TPO: variants seen among roughly 807,000 people sequenced by gnomAD.
The protein encoded by TPO is thyroid microsomal antigen.
Under a neutral mutation model 96.9 loss-of-function variants are expected in TPO, and 78 were observed. That is an observed-to-expected ratio of 0.81 (90% CI 0.67 to 0.97). The LOEUF (loss-of-function observed/expected upper bound fraction) is 0.97. Ranked by LOEUF, TPO falls within the 50% of genes least tolerant of loss-of-function variation. The pLI, the probability that TPO is intolerant of heterozygous loss-of-function variation, is 0.00. For synonymous variants in TPO, 547 were observed against 538.0 expected (o/e 1.02, Z -0.23); for missense variants, 1,252 against 1,274.8 (o/e 0.98, Z 0.27).
chr2:1,410,327 C>T (rs1662314528), upstream of TPO, among the ~76,000 whole-genome samples: 1 of 152,208 alleles, frequency 6.6e-6, no homozygotes, highest in Admixed American at 6.5e-5. Context: ...GTAAAAAAGG[C>T]AACATCAGGC....
chr2:1,406,337 C>G (rs563010367), intron 1 of TPO, among the ~76,000 whole-genome samples: 108 of 152,288 alleles, frequency 7.1e-4, no homozygotes, highest in Admixed American at 2.1e-3. Context: ...AAAAAAGTAC[C>G]ATTTTTTAAA....
chr2:1,489,210 G>A (rs1313487302), intron 10 of TPO, among the ~76,000 whole-genome samples: 9 of 139,054 alleles, frequency 6.5e-5, no homozygotes, highest in African/African-American at 2.0e-4. Flanking sequence ...CCCAGCACAT[G>A]CCCAGCACAC....
chr2:1,388,694 A>G (rs1294739052), intron 1 of TPO, among the ~76,000 whole-genome samples: 1 of 152,106 alleles, frequency 6.6e-6, no homozygotes, highest in East Asian at 1.9e-4. Flanking sequence ...TTTGGCTCAC[A>G]CTCGGTGTGC....
intron 7 of TPO, among the ~76,000 whole-genome samples, chr2:1,459,643 T>G (rs1202061090): frequency 6.6e-6 from 1 of 152,322 alleles, no homozygotes; most frequent in Admixed American, 6.5e-5. Flanking sequence ...TACAAAATTC[T>G]GGGCATCTGC....
intron 15 of TPO, among the ~76,000 whole-genome samples, chr2:1,525,406 C>T: frequency 7.6e-6 from 1 of 131,228 alleles, no homozygotes; most frequent in Non-Finnish European, 1.6e-5. Context: ...TGTGCAACTT[C>T]CTCAAATCCC....
chr2:1,516,059 C>T (rs1343662924), intron 14 of TPO, among the ~76,000 whole-genome samples: 5 of 152,206 alleles, frequency 3.3e-5, no homozygotes, highest in Admixed American at 6.5e-5. Context: ...GCAGTGGCCC[C>T]AGGCTGGCAG....
In TPO at chr2:1,528,958, T is replaced by G. The variant is rs922577971; in HGVS notation, c.2619-11636T>G. Reference sequence around the variant, plus strand: ...ACAAATCCTCCCAGTGTGCGCATCCTCCTAAAATCCCCCCACTGTGAGTAA... The same window carrying G: ...ACAAATCCTCCCAGTGTGCGCATCCGCCTAAAATCCCCCCACTGTGAGTAA... On this transcript the variant is annotated intron_variant, in intron 15 of 16. Transcript: ENST00000329066. Among the ~76,000 whole-genome samples, 6 of 110,682 alleles carry G rather than the reference T, an allele frequency of 5.4e-5. No homozygotes were observed. In the East Asian group the frequency reaches 9.7e-4, roughly 18 times the overall value. 72.6% of individuals were successfully genotyped at this position (110,682 alleles called of 152,430 possible).
At chr2:1,515,644 C>T (rs745868609) in intron 14 of TPO, among the ~76,000 whole-genome samples, 24 of 152,268 alleles carry the variant, frequency 1.6e-4, no homozygotes, top group South Asian at 2.1e-4. Context: ...GCCATGGACA[C>T]GACCTGTGTC....
intron 8 of TPO, among the ~76,000 whole-genome samples, chr2:1,480,586 ACACACACACACACACACACG>A (rs1422529095): frequency 7.0e-6 from 1 of 143,546 alleles, no homozygotes; most frequent in African/African-American, 2.6e-5. Flanking sequence ...ACACACACAC[ACACACACACACACACACACG>A]AGCCAGCCAG....
intron 1 of TPO, among the ~76,000 whole-genome samples, chr2:1,380,199 C>T (rs779284484): frequency 2.0e-5 from 3 of 152,164 alleles, no homozygotes; most frequent in Middle Eastern, 3.4e-3. Flanking sequence ...TCAAGACCAT[C>T]CTGGCTAATA....
intron 14 of TPO, among the ~76,000 whole-genome samples, chr2:1,510,362 C>T (rs919265877): frequency 7.9e-5 from 12 of 152,188 alleles, no homozygotes; most frequent in Non-Finnish European, 4.4e-5. Context: ...TGCTGGACTA[C>T]AGCCCAGAAG....
At chr2:1,480,766 CCCTCCTCCTGCATCCGTCCACACCACCTT>C (rs1670512500) in intron 8 of TPO, among the ~76,000 whole-genome samples, 2 of 150,054 alleles carry the variant, frequency 1.3e-5, no homozygotes, top group African/African-American at 4.9e-5. Context: ...CACACCACCT[CCCTCCTCCTGCATCCGTCCACACCACCTT>C]CCTCCTGCTG....
intron 5 of TPO, among the ~76,000 whole-genome samples, chr2:1,437,526 G>A (rs561318198): frequency 2.6e-5 from 4 of 152,298 alleles, no homozygotes; most frequent in Admixed American, 6.5e-5. Context: ...AGAGAGCAGG[G>A]GCTTTGCGAC....
Position 1,377,694 on chromosome 2 carries a change from G to A in TPO, n.180+3292G>A, listed in dbSNP as rs561278655. ...GTTCTCCTGGCCCTGGGTGAGTCAC[G>A]CTGGGAGAGTTAGCACAGGTGGGGA... On this transcript the variant is annotated intron_variant and non_coding_transcript_variant, in intron 1 of 5. Coordinates refer to the TPO transcript ENST00000497517. Among the ~76,000 whole-genome samples, 129 of 152,286 alleles carry A rather than the reference G, an allele frequency of 8.5e-4. 1 individual carries two copies. In the South Asian group the frequency reaches 0.015, roughly 17 times the overall value.
intron 7 of TPO, 78 bp downstream of exon 7, chr2:1,456,360 A>C: frequency 6.8e-7 from 1 of 1,467,402 alleles, no homozygotes; most frequent in Non-Finnish European, 9.4e-7. Context: ...GGTATAAAAC[A>C]AAATGTGAAA....
intron 5 of TPO, chr2:1,438,704 T>C (rs1969248): frequency 0.29 from 187,051 of 653,264 alleles, 29,936 homozygotes; most frequent in South Asian, 0.46. Flanking sequence ...GGGGAATCCC[T>C]GAGCAAAGCC....
At chr2:1,496,863 T>C (rs558353985) in intron 13 of TPO, 98 bp downstream of exon 13, 1 of 1,563,286 alleles carries the variant, frequency 6.4e-7, no homozygotes, top group South Asian at 1.1e-5. Flanking sequence ...CAAAAGGTGC[T>C]TCTGAAACTG....
intron 1 of TPO, among the ~76,000 whole-genome samples, chr2:1,379,819 A>G (rs1250549183): frequency 6.6e-6 from 1 of 152,202 alleles, no homozygotes; most frequent in Non-Finnish European, 1.5e-5. Context: ...CAACCTAAAG[A>G]AATAACTTTA....
intron 15 of TPO, among the ~76,000 whole-genome samples, chr2:1,538,223 G>A (rs997205738): frequency 6.6e-6 from 1 of 151,842 alleles, no homozygotes; most frequent in South Asian, 2.1e-4. Flanking sequence ...TCCCTTCTTT[G>A]CCCAGAAGCA....
Sources: allele counts gnomAD v4.1 joint callset (sites outside exome capture counted in the v4.1 genomes callset), GRCh38; gene constraint gnomAD v4.1.1; transcripts MANE v1.5; gene names NCBI Gene and HGNC (gene_info 2026-07-23, HGNC 2026-07-21).